Variants in SMPD3 observed in about 807,000 individuals in gnomAD.
The protein encoded by SMPD3 is sphingomyelin phosphodiesterase 3, also known as nSMase-2.
SMPD3 carries 21 observed loss-of-function variants against 55.7 expected under a neutral mutation model. That is an observed-to-expected ratio of 0.38 (90% CI 0.27 to 0.54). The LOEUF is 0.54. Ranked by LOEUF, SMPD3 falls within the 20% of genes least tolerant of loss-of-function variation. SMPD3 has a pLI of 0.80. For missense variants in SMPD3, 842 were observed against 899.6 expected (o/e 0.94, Z 0.82); for synonymous variants, 457 against 404.3 (o/e 1.13, Z -1.56).
Position 68,361,733 on chromosome 16 carries a change from C to T in SMPD3, c.1736G>A (p.Arg579Lys), listed in dbSNP as rs1231154472. The T allele has an allele frequency of 6.2e-7, 1 of 1,612,906 alleles. No individual in the cohort carries two copies. Among genetic ancestry groups the T allele is most frequent in the Non-Finnish European group, 8.5e-7 (1 of 1,179,948 alleles). ...QKVLESEEGR[R>K]EYLAFPTSKS... is the part of the protein sequence containing the mutation. ...GCTGGTGGGAAACGCCAGGTACTCC[C>T]TGCGGCCCTCCTCACTCTCCAGGAC... The change falls in exon 8 of 9, where the codon AGG becomes AAG. Residue 579 changes from arginine to lysine, a missense_variant. This residue lies in a region of SMPD3 where 649 missense variants were observed against 643.6 expected (regional missense o/e 1.01). Coordinates refer to ENST00000219334, the MANE Select transcript of SMPD3 (RefSeq NM_018667.4).
intron 1 of SMPD3, among the ~76,000 whole-genome samples, chr16:68,434,046 GC>G (rs1213997448): frequency 6.6e-6 from 1 of 152,060 alleles, no homozygotes; most frequent in Admixed American, 6.6e-5. Flanking sequence ...TTTGAAAACT[GC>G]TATTATAATT....
At chr16:68,381,187 A>T (rs923917816) in intron 2 of SMPD3, among the ~76,000 whole-genome samples, 1 of 152,190 alleles carries the variant, frequency 6.6e-6, no homozygotes, top group Non-Finnish European at 1.5e-5. Flanking sequence ...CTGAGGGTTG[A>T]GGCCCCGTCC....
intron 1 of SMPD3, among the ~76,000 whole-genome samples, chr16:68,430,049 C>A (rs952066776): frequency 3.3e-5 from 5 of 152,144 alleles, no homozygotes; most frequent in African/African-American, 9.7e-5. Context: ...TGTTACCCCC[C>A]AAATCTGCAG....
intron 2 of SMPD3, among the ~76,000 whole-genome samples, chr16:68,381,870 A>G (rs2089958490): frequency 6.6e-6 from 1 of 152,222 alleles, no homozygotes; most frequent in Admixed American, 6.5e-5. Flanking sequence ...AAGCCTCATT[A>G]CGGACAGCTT....
At chr16:68,373,043 G>A (rs1395919141) in intron 2 of SMPD3, among the ~76,000 whole-genome samples, 1 of 152,214 alleles carries the variant, frequency 6.6e-6, no homozygotes, top group Non-Finnish European at 1.5e-5. Context: ...ACTGACCGCG[G>A]GAGAAACCCC....
chr16:68,428,518 G>A (rs1024849117), intron 1 of SMPD3, among the ~76,000 whole-genome samples: 7 of 152,236 alleles, frequency 4.6e-5, no homozygotes, highest in Non-Finnish European at 8.8e-5. Flanking sequence ...TTTTCAAAGG[G>A]GAGGGTGGGT....
intron 3 of SMPD3, chr16:68,370,088 T>C (rs1229056108): frequency 6.6e-6 from 1 of 152,274 alleles, no homozygotes; most frequent in East Asian, 1.9e-4. Flanking sequence ...GGAAGCACCA[T>C]GAGCGGCTTT....
chr16:68,371,671 T>A lies in SMPD3; in HGVS notation c.511A>T (p.Ile171Phe). The part of the protein sequence containing the change: ...GAARPQIKIY[I>F]DSPTNTSISA... Reference sequence around the variant, plus strand: ...ATGGAGGTATTGGTGGGGGAGTCGATGTAAATTTTGATCTGGGGCCGGGCG... The same window carrying A: ...ATGGAGGTATTGGTGGGGGAGTCGAAGTAAATTTTGATCTGGGGCCGGGCG... Residue 171 changes from isoleucine (I) to phenylalanine (F), a missense_variant, in exon 3 of 9, where the codon ATC becomes TTC. This residue lies in a region of SMPD3 where 193 missense variants were observed against 256.0 expected (regional missense o/e 0.75). Transcript: ENST00000219334. 6.4e-7 allele frequency: 1 copy of A among 1,567,198 alleles called. No homozygotes were observed. The highest frequency in any genetic ancestry group is 1.2e-5 in the South Asian group (1 of 83,686).
At chr16:68,431,548 A>G (rs974047019) in intron 1 of SMPD3, among the ~76,000 whole-genome samples, 17 of 152,260 alleles carry the variant, frequency 1.1e-4, no homozygotes, top group Non-Finnish European at 2.4e-4. Flanking sequence ...CCTGAAAACC[A>G]CTGTTTGACA....
chr16:68,402,138 C>T (rs2152012255), intron 1 of SMPD3, among the ~76,000 whole-genome samples: 1 of 152,296 alleles, frequency 6.6e-6, no homozygotes, highest in East Asian at 1.9e-4. Flanking sequence ...CTGGCTCTTC[C>T]TACAATTAAT....
rs199566022 is a variant in SMPD3, at chr16:68,363,817, G to T, written c.1605C>A (p.Pro535=). The change falls in exon 6 of 9, where the codon CCC becomes CCA. Residue 535 remains proline (P), a synonymous_variant. Coordinates refer to ENST00000219334, the MANE Select transcript of SMPD3 (RefSeq NM_018667.4). ...QHSLFTHYRD[P]CRLGPGEEKP... is the part of the protein sequence containing the mutation. ...TCTCCTCACCAGGCCCCAGGCGGCA[G>T]GGGTCCCTGTAGTGGGTGAACAGGG... 164 of 1,572,154 alleles carry T rather than the reference G, an allele frequency of 1.0e-4. No individual in the cohort carries two copies. The African/African-American group carries it at 2.0e-3, about 19-fold the overall frequency.
intron 2 of SMPD3, among the ~76,000 whole-genome samples, chr16:68,379,157 C>T (rs984247768): frequency 6.6e-6 from 1 of 152,250 alleles, no homozygotes; most frequent in African/African-American, 2.4e-5. Flanking sequence ...GTTGACGTCC[C>T]ACTGGGAAAA....
At position 68,370,912 on chromosome 16, in the gene SMPD3, G is replaced by A. The variant is rs2089645718; in HGVS notation, c.1270C>T (p.Pro424Ser). ...AGGGCATCGTCGTTACACTTGTTGG[G>A]GTAACAGTGATAGGCCACGTCCATG... ...PIMDVAYHCY[P>S]NKCNDDALAS... Residue 424 changes from proline (P) to serine (S), a missense_variant, in exon 3 of 9, where the codon CCC becomes TCC. Pro to Ser is a moderately conservative substitution (Grantham distance 74, BLOSUM62 -1). Coordinates refer to ENST00000219334, the MANE Select transcript of SMPD3 (RefSeq NM_018667.4). The A allele has an allele frequency of 1.9e-6, 3 of 1,614,142 alleles. No individual in the cohort carries two copies. Among genetic ancestry groups the A allele is most frequent in the Non-Finnish European group, 1.7e-6 (2 of 1,180,002 alleles).
chr16:68,362,886 CTAAT>C (rs2089355941), intron 7 of SMPD3, among the ~76,000 whole-genome samples: 1 of 152,170 alleles, frequency 6.6e-6, no homozygotes, highest in Non-Finnish European at 1.5e-5. Flanking sequence ...AGTCTATAAT[CTAAT>C]TAATTGGCTC....
intron 1 of SMPD3, among the ~76,000 whole-genome samples, chr16:68,396,182 C>T (rs1277701553): frequency 1.3e-5 from 2 of 152,200 alleles, no homozygotes; most frequent in African/African-American, 2.4e-5. Flanking sequence ...TCCTGTCTTG[C>T]CTGCTTTGAG....
At chr16:68,402,771 G>A (rs956790498) in intron 1 of SMPD3, among the ~76,000 whole-genome samples, 5 of 152,220 alleles carry the variant, frequency 3.3e-5, no homozygotes, top group Non-Finnish European at 7.3e-5. Flanking sequence ...GCAGGTCAGT[G>A]CCTTTCCTGA....
chr16:68,367,038 C>T (rs1251224227), intron 3 of SMPD3, among the ~76,000 whole-genome samples: 1 of 150,296 alleles, frequency 6.7e-6, no homozygotes, highest in Non-Finnish European at 1.5e-5. Context: ...GCTGGGTGTG[C>T]ATGCCTGTAA....
At chr16:68,389,213 G>A (rs2090089313) in intron 1 of SMPD3, among the ~76,000 whole-genome samples, 1 of 152,224 alleles carries the variant, frequency 6.6e-6, no homozygotes, top group Non-Finnish European at 1.5e-5. Context: ...GGGCGGGTGT[G>A]GAAAGTGGGC....
At chr16:68,412,504 G>GT (rs2090309870) in intron 1 of SMPD3, among the ~76,000 whole-genome samples, 1 of 152,182 alleles carries the variant, frequency 6.6e-6, no homozygotes, top group Non-Finnish European at 1.5e-5. Context: ...AGTCAAAATG[G>GT]TGGCCACAGC....
Sources: gnomAD v4.1 joint callset for allele counts (sites outside exome capture counted in the v4.1 genomes callset) on GRCh38, gnomAD v4.1.1 for gene constraint, gnomAD v4.1.1 regional missense constraint, MANE v1.5 for transcripts, NCBI Gene and HGNC (gene_info 2026-07-23, HGNC 2026-07-21) for gene names.